Variants in FOXP1 observed in about 807,000 individuals in gnomAD.
FOXP1 encodes forkhead box protein P1.
FOXP1 carries 15 observed loss-of-function variants against 98.2 expected under a neutral mutation model. That is an observed-to-expected ratio of 0.15 (90% confidence interval 0.10 to 0.24). The LOEUF is 0.24. FOXP1 is among the 10% of genes least tolerant of loss of function. The pLI, the probability that FOXP1 is intolerant of heterozygous loss-of-function variation, is 1.00. For synonymous variants in FOXP1, 371 were observed against 314.5 expected (o/e 1.18, Z -1.90); for missense variants, 633 against 848.5 (o/e 0.75, Z 3.15).
At chr3:71,468,042 T>C (rs547988771) in intron 3 of FOXP1, among the ~76,000 whole-genome samples, 4 of 152,304 alleles carry the variant, frequency 2.6e-5, no homozygotes, top group South Asian at 2.1e-4. Flanking sequence ...GGTCACAGCA[T>C]TGTTAAATAT....
intron 5 of FOXP1, among the ~76,000 whole-genome samples, chr3:71,281,242 A>T (rs78814775): frequency 0.012 from 964 of 80,380 alleles, 14 homozygotes; most frequent in African/African-American, 0.039. Flanking sequence ...TAAAAATTTT[A>T]AAAAAAAAAA....
intron 7 of FOXP1, among the ~76,000 whole-genome samples, chr3:71,061,203 C>T (rs574912347): frequency 7.9e-5 from 12 of 152,236 alleles, no homozygotes; most frequent in Admixed American, 1.3e-4. Flanking sequence ...TCCAGAAATA[C>T]GCTGCTTCCA....
At chr3:71,400,806 C>T (rs1231513923) in intron 3 of FOXP1, among the ~76,000 whole-genome samples, 2 of 152,170 alleles carry the variant, frequency 1.3e-5, no homozygotes, top group African/African-American at 2.4e-5. Context: ...CAATGACCTA[C>T]ATTGTGTTAG....
chr3:71,333,389 CAA>C (rs1368395179), intron 4 of FOXP1: 1 of 101,496 alleles, frequency 9.9e-6, no homozygotes, highest in Non-Finnish European at 2.4e-5. Context: ...AAATTCTATA[CAA>C]AGTGATAAAA....
chr3:71,307,085 G>C (rs1338312406), intron 4 of FOXP1, among the ~76,000 whole-genome samples: 1 of 152,124 alleles, frequency 6.6e-6, no homozygotes, highest in African/African-American at 2.4e-5. Flanking sequence ...AGTATTAAAT[G>C]ATTTTGATTG....
rs200279807 is a variant in FOXP1 at position 71,348,506 on chromosome 3, AGT to A, written c.-73+10642_-73+10643del. On this transcript the variant is annotated intron_variant, in intron 4 of 20. Coordinates refer to ENST00000649528, the MANE Select transcript of FOXP1 (RefSeq NM_001349338.3). The stretch of plus-strand genomic sequence containing the variant: ...CTCCCAGGTGCCAGTTGCTGTGTTC[AGT>A]GTGTGTGTGTGTGCGTGTGTGTGTG... Among the ~76,000 whole-genome samples the A allele has an allele frequency of 5.1e-3, 461 of 90,526 alleles. 5 individuals are homozygous for A. The highest frequency in any genetic ancestry group is 0.015 in the African/African-American group (396 of 26,868). 59.4% of individuals were successfully genotyped at this position (90,526 alleles called of 152,430 possible).
rs1250694522 is a variant in FOXP1 at position 71,111,096 on chromosome 3, G to A, written c.282+1440C>T. On this transcript the variant is annotated intron_variant, in intron 7 of 20. Coordinates refer to ENST00000649528, the MANE Select transcript of FOXP1 (RefSeq NM_001349338.3). ...TGGTCAAGGTCAGTTTGATCTTTGGGGATAATCTGGGAACAGGCTGTGGTT... is the reference window on the plus strand; with the variant it reads ...TGGTCAAGGTCAGTTTGATCTTTGGAGATAATCTGGGAACAGGCTGTGGTT... Among the ~76,000 whole-genome samples the A allele has an allele frequency of 2.0e-5, 3 of 152,116 alleles. No homozygotes were observed. The East Asian group carries it at 5.8e-4, about 29-fold the overall frequency.
chr3:70,956,208 A>C lies in FOXP1; in HGVS notation c.*3039T>G, dbSNP rs1559548416. On this transcript the variant is annotated 3_prime_UTR_variant, in exon 21 of 21. Transcript: ENST00000649528. ...CCCTCTGCCCTCCCCCAAAAAAGAC[A>C]AAGATTCACACAGACACATCGGGAT... 4.3e-6 allele frequency: 1 copy of C among 233,586 alleles called. No homozygotes were observed. The highest frequency in any genetic ancestry group is 6.0e-5 in the East Asian group (1 of 16,554). The allele number at this position is 233,586 out of a possible 1,614,324, so 14.5% of individuals were successfully genotyped here.
intron 3 of FOXP1, among the ~76,000 whole-genome samples, chr3:71,486,620 T>C (rs906584897): frequency 1.3e-5 from 2 of 152,220 alleles, no homozygotes; most frequent in Non-Finnish European, 2.9e-5. Context: ...CATATTGAAA[T>C]AAAATTAAAA....
rs1406058766 is a variant in FOXP1, at chr3:70,965,917, C to G, written c.1862G>C (p.Ser621Thr). 2 of 1,613,980 alleles carry G rather than the reference C, an allele frequency of 1.2e-6. No individual in the cohort carries two copies. Among genetic ancestry groups the G allele is most frequent in the Non-Finnish European group, 1.7e-6 (2 of 1,180,024 alleles). Residue 621 changes from serine (S) to threonine (T), a missense_variant, in exon 20 of 21, where the codon AGT becomes ACT. By Grantham distance (58) the Ser-to-Thr change is moderately conservative. This residue lies in a region of FOXP1 where 150 missense variants were observed against 163.7 expected (regional missense o/e 0.92). Transcript: ENST00000649528. ...EHTNSNESDS[S>T]PGRSPMQAVH... Reference sequence around the variant, plus strand: ...GGCTTGCATAGGAGATCTGCCTGGACTGCTGTCACTCTCGTTGCTGTTGGT... The same window carrying G: ...GGCTTGCATAGGAGATCTGCCTGGAGTGCTGTCACTCTCGTTGCTGTTGGT...
intron 2 of FOXP1, among the ~76,000 whole-genome samples, chr3:71,533,177 G>A (rs1009564742): frequency 6.6e-6 from 1 of 152,088 alleles, no homozygotes; most frequent in Non-Finnish European, 1.5e-5. Context: ...CTGTTAATTA[G>A]GCAAGATGCA....
intron 11 of FOXP1, among the ~76,000 whole-genome samples, chr3:71,017,147 G>A (rs1033512038): frequency 3.6e-4 from 55 of 152,226 alleles, no homozygotes; most frequent in African/African-American, 1.3e-3. Flanking sequence ...AACAATAAAA[G>A]GATATTCTCT....
intron 11 of FOXP1, among the ~76,000 whole-genome samples, chr3:71,019,267 T>C (rs1036250141): frequency 6.6e-6 from 1 of 152,174 alleles, no homozygotes; most frequent in Admixed American, 6.5e-5. Flanking sequence ...TGATGGTAAA[T>C]AAAGCAGTGA....
At chr3:71,083,756 T>C (rs770383173) in intron 7 of FOXP1, among the ~76,000 whole-genome samples, 1 of 152,138 alleles carries the variant, frequency 6.6e-6, no homozygotes. Flanking sequence ...GAGTGCCTGG[T>C]TCCAGCTGGG....
At chr3:71,295,358 A>C (rs2073177748) in intron 5 of FOXP1, among the ~76,000 whole-genome samples, 1 of 152,248 alleles carries the variant, frequency 6.6e-6, no homozygotes, top group African/African-American at 2.4e-5. Flanking sequence ...TTATATTTCA[A>C]ATAACTGAAT....
intron 4 of FOXP1, among the ~76,000 whole-genome samples, chr3:71,348,567 A>T (rs898834565): frequency 7.1e-6 from 1 of 141,286 alleles, no homozygotes; most frequent in Non-Finnish European, 1.6e-5. Context: ...GCGCGCACGC[A>T]TATGCATGTG....
At chr3:71,109,858 C>T (rs1228405560) in intron 7 of FOXP1, among the ~76,000 whole-genome samples, 1 of 152,172 alleles carries the variant, frequency 6.6e-6, no homozygotes, top group African/African-American at 2.4e-5. Context: ...CACACACACA[C>T]ACCAGTCCAC....
chr3:71,455,221 G>A (rs920616785), intron 3 of FOXP1, among the ~76,000 whole-genome samples: 1 of 152,000 alleles, frequency 6.6e-6, no homozygotes, highest in East Asian at 1.9e-4. Flanking sequence ...ATAGCCACAC[G>A]AGCACACATC....
At chr3:71,413,126 A>ACG (rs2082890538) in intron 3 of FOXP1, among the ~76,000 whole-genome samples, 2 of 148,480 alleles carry the variant, frequency 1.3e-5, no homozygotes, top group South Asian at 2.1e-4. Flanking sequence ...ACACACACAC[A>ACG]CACGCACCCC....
Sources: allele counts gnomAD v4.1 joint callset (sites outside exome capture counted in the v4.1 genomes callset), GRCh38; gene constraint gnomAD v4.1.1; regional missense constraint gnomAD v4.1.1; transcripts MANE v1.5; gene names NCBI Gene and HGNC (gene_info 2026-07-23, HGNC 2026-07-21).